The following ERC2 variants were observed in gnomAD, a reference collection of about 807,000 sequenced individuals.
The protein encoded by ERC2 is ELKS/RAB6-interacting/CAST family member 2.
ERC2 carries 42 observed loss-of-function variants against 114.8 expected under a neutral mutation model. That is an observed-to-expected ratio of 0.37 (90% CI 0.29 to 0.47). The LOEUF (loss-of-function observed/expected upper bound fraction) is 0.47, where lower values mean the gene tolerates loss of function less well. ERC2 is among the 20% of genes least tolerant of loss of function. The pLI is 0.99. For missense variants in ERC2, 939 were observed against 1,150.7 expected (o/e 0.82, Z 2.66); for synonymous variants, 454 against 425.5 (o/e 1.07, Z -0.82).
intron 14 of ERC2, among the ~76,000 whole-genome samples, chr3:55,796,476 A>G (rs1234839136): frequency 1.3e-5 from 2 of 152,070 alleles, no homozygotes; most frequent in Admixed American, 1.3e-4. Flanking sequence ...CCCAGGCTGG[A>G]GTGCAGCAGT....
At chr3:56,135,925 G>A (rs925377971) in intron 6 of ERC2, among the ~76,000 whole-genome samples, 1 of 152,142 alleles carries the variant, frequency 6.6e-6, no homozygotes, top group Non-Finnish European at 1.5e-5. Flanking sequence ...GAAACATCAA[G>A]GGCAGTAGCA....
intron 14 of ERC2, among the ~76,000 whole-genome samples, chr3:55,867,437 G>A (rs776183761): frequency 1.3e-4 from 20 of 152,168 alleles, no homozygotes; most frequent in Non-Finnish European, 1.2e-4. Flanking sequence ...CTAGTCATCC[G>A]TAGTGACCAT....
At position 55,790,504 on chromosome 3, in the gene ERC2, G is replaced by T. The variant is rs529374274; in HGVS notation, c.2565-55586C>A. Among the ~76,000 whole-genome samples, 3 of 152,236 alleles carry T rather than the reference G, an allele frequency of 2.0e-5. No homozygotes were observed. The East Asian group carries it at 5.8e-4, about 30-fold the overall frequency. ...GTTGACACCAGCAATTCTACTTGTG[G>T]GCTTCTTCTTGGCATGCCCTGCACA... is the stretch of plus-strand genomic sequence containing the variant. On this transcript the variant is annotated intron_variant, in intron 14 of 17. Transcript: ENST00000288221.
At chr3:56,204,304 T>C (rs950406188) in intron 3 of ERC2, among the ~76,000 whole-genome samples, 4 of 152,130 alleles carry the variant, frequency 2.6e-5, no homozygotes, top group African/African-American at 4.8e-5. Flanking sequence ...TCTCCCAACA[T>C]GGTGCGTGGT....
intron 17 of ERC2, among the ~76,000 whole-genome samples, chr3:55,554,397 T>C (rs540591738): frequency 5.7e-4 from 87 of 152,310 alleles, no homozygotes; most frequent in African/African-American, 2.1e-3. Flanking sequence ...TAGAAAGGCC[T>C]TTCAGGCATT....
intron 3 of ERC2, among the ~76,000 whole-genome samples, chr3:56,208,916 A>G (rs2048894915): frequency 6.6e-6 from 1 of 152,168 alleles, no homozygotes; most frequent in Non-Finnish European, 1.5e-5. Flanking sequence ...CAACTCCCTT[A>G]GGAACTCAGG....
intron 2 of ERC2, among the ~76,000 whole-genome samples, chr3:56,325,528 T>G (rs2057321956): frequency 6.6e-6 from 1 of 152,166 alleles, no homozygotes; most frequent in African/African-American, 2.4e-5. Context: ...AATAAATATT[T>G]CTTCTATTAG....
intron 7 of ERC2, among the ~76,000 whole-genome samples, chr3:56,037,934 T>C (rs1421133341): frequency 6.6e-6 from 1 of 151,988 alleles, no homozygotes; most frequent in South Asian, 2.1e-4. Context: ...TCACACCTTA[T>C]ACAAAAATCA....
Position 55,930,269 on chromosome 3 carries a change from A to G in ERC2, c.2403+20156T>C, listed in dbSNP as rs190046703. 1.8e-4 allele frequency among the ~76,000 whole-genome samples: 27 copies of G among 152,230 alleles called. No individual in the cohort carries two copies. In the East Asian group the frequency reaches 4.8e-3, roughly 27 times the overall value. ...AATAAATAAATAAATAAATAAATAA[A>G]TAACCCAGTCTCAGGTAGTTTTTTA... On this transcript the variant is annotated intron_variant, in intron 13 of 17. Transcript: ENST00000288221.
At chr3:56,104,877 G>A (rs918281536) in intron 6 of ERC2, among the ~76,000 whole-genome samples, 12 of 152,262 alleles carry the variant, frequency 7.9e-5, no homozygotes, top group South Asian at 2.1e-4. Flanking sequence ...AGCGCTAAAC[G>A]TAGTAAATAA....
intron 16 of ERC2, among the ~76,000 whole-genome samples, chr3:55,695,850 A>G (rs537283284): frequency 6.6e-6 from 1 of 152,350 alleles, no homozygotes; most frequent in South Asian, 2.1e-4. Flanking sequence ...AGAAATCTAC[A>G]ATCAAATAAG....
At chr3:55,513,352 C>T (rs184958520) in intron 17 of ERC2, among the ~76,000 whole-genome samples, 1 of 152,326 alleles carries the variant, frequency 6.6e-6, no homozygotes, top group East Asian at 1.9e-4. Flanking sequence ...TTATGTTCCA[C>T]CAAAGCTGAG....
At chr3:55,532,611 A>C (rs2053741379) in intron 17 of ERC2, among the ~76,000 whole-genome samples, 1 of 152,142 alleles carries the variant, frequency 6.6e-6, no homozygotes. Flanking sequence ...TACTCTTTTT[A>C]TTCTCATTTA....
chr3:56,131,695 G>C (rs1268368223), intron 6 of ERC2, among the ~76,000 whole-genome samples: 1 of 152,184 alleles, frequency 6.6e-6, no homozygotes, highest in Non-Finnish European at 1.5e-5. Flanking sequence ...GAGAAGAGGG[G>C]TGAGGGGCGA....
At chr3:56,117,601 A>T (rs2079310680) in intron 6 of ERC2, among the ~76,000 whole-genome samples, 1 of 152,222 alleles carries the variant, frequency 6.6e-6, no homozygotes, top group Non-Finnish European at 1.5e-5. Context: ...GGACTCCCTC[A>T]AGGGGGTGTT....
chr3:55,741,442 A>C (rs1292354739), intron 14 of ERC2, among the ~76,000 whole-genome samples: 1 of 152,178 alleles, frequency 6.6e-6, no homozygotes, highest in Non-Finnish European at 1.5e-5. Flanking sequence ...ATAAACCGGA[A>C]ACAGAAAAAT....
chr3:56,085,995 G>C (rs1244975312), intron 6 of ERC2, among the ~76,000 whole-genome samples: 1 of 152,172 alleles, frequency 6.6e-6, no homozygotes, highest in African/African-American at 2.4e-5. Flanking sequence ...TGGTGCTGGA[G>C]AGAGTTTAGA....
Position 56,149,027 on chromosome 3 carries a change from T to A in ERC2, c.1255A>T (p.Ile419Phe). The A allele has an allele frequency of 6.2e-7, 1 of 1,613,514 alleles. No individual in the cohort carries two copies. Among genetic ancestry groups the A allele is most frequent in the South Asian group, 1.1e-5 (1 of 91,040 alleles). The change falls in exon 5 of 18, where the codon ATC (isoleucine) becomes TTC (phenylalanine). Residue 419 changes from isoleucine (I) to phenylalanine (F), a missense_variant. By Grantham distance (21) the Ile-to-Phe change is conservative. Around this residue, in one of 5 missense-constraint regions of ERC2, gnomAD observed 148 missense variants for 159.1 expected, o/e 0.93. Coordinates refer to ENST00000288221, the MANE Select transcript of ERC2 (RefSeq NM_015576.3). Reference protein sequence around the residue: ...VLNTEDREEEIKQIEVYKSHS... With the variant: ...VLNTEDREEEFKQIEVYKSHS... The stretch of plus-strand genomic sequence containing the variant: ...CTTTTGTAAACCTCAATTTGTTTGA[T>A]CTCTTCTTCGCGGTCCTCAGTGTTC...
At chr3:56,276,841 C>CACAT (rs2054033772) in intron 3 of ERC2, among the ~76,000 whole-genome samples, 1 of 152,186 alleles carries the variant, frequency 6.6e-6, no homozygotes, top group Non-Finnish European at 1.5e-5. Context: ...TAAAAACACA[C>CACAT]ACATACACAC....
Sources: allele counts gnomAD v4.1 joint callset (sites outside exome capture counted in the v4.1 genomes callset), GRCh38; gene constraint gnomAD v4.1.1; regional missense constraint gnomAD v4.1.1; transcripts MANE v1.5; gene names NCBI Gene and HGNC (gene_info 2026-07-23, HGNC 2026-07-21).